The following ROCK2 variants were observed in gnomAD, a reference collection of about 807,000 sequenced individuals.
The protein encoded by ROCK2 is rho-associated protein kinase 2.
In ROCK2, 61 loss-of-function variants were observed where a neutral mutation model predicts 195.1. The ratio of observed to expected loss-of-function variants is 0.31; its 90% CI spans 0.25 to 0.39. ROCK2 has a LOEUF of 0.39. Among genes scored for constraint, ROCK2 ranks in the 10% least tolerant of loss-of-function variants. ROCK2 has a pLI of 1.00. For missense variants in ROCK2, 1,109 were observed against 1,637.4 expected (o/e 0.68, Z 5.57); for synonymous variants, 504 against 545.5 (o/e 0.92, Z 1.06).
At chr2:11,309,382 A>C (rs1667962693) in intron 1 of ROCK2, among the ~76,000 whole-genome samples, 1 of 152,152 alleles carries the variant, frequency 6.6e-6, no homozygotes, top group South Asian at 2.1e-4. Context: ...TCGAGGAATG[A>C]CTGTATATGT....
At chr2:11,334,628 T>TTAC (rs1362193812) in intron 1 of ROCK2, among the ~76,000 whole-genome samples, 11 of 139,500 alleles carry the variant, frequency 7.9e-5, no homozygotes, top group Admixed American at 1.4e-4. Context: ...AAAAATAAAC[T>TTAC]CAAAAGCCAA....
At position 11,202,632 on chromosome 2, in the gene ROCK2, G is replaced by A. The variant is rs1663902519; in HGVS notation, c.2550-511C>T. ...CCTGCCTCAGCCTCCCGAGTAGCTGGGACTACAGGCGCCTGCCACCACACC... is the reference window on the plus strand; with the variant it reads ...CCTGCCTCAGCCTCCCGAGTAGCTGAGACTACAGGCGCCTGCCACCACACC... On this transcript the variant is annotated intron_variant, in intron 20 of 32. Coordinates refer to ENST00000315872, the MANE Select transcript of ROCK2 (RefSeq NM_004850.5). Among the ~76,000 whole-genome samples, 8 of 152,080 alleles carry A rather than the reference G, an allele frequency of 5.3e-5. No homozygotes were observed. The South Asian group carries it at 1.7e-3, about 32-fold the overall frequency.
At chr2:11,286,438 G>T in intron 3 of ROCK2, 101 bp downstream of exon 3, 1 of 720,468 alleles carries the variant, frequency 1.4e-6, no homozygotes, top group Non-Finnish European at 2.4e-6. Context: ...CCACCTTCTG[G>T]CATGGGTGGG....
intron 9 of ROCK2, among the ~76,000 whole-genome samples, chr2:11,220,152 G>A (rs182509947): frequency 1.3e-5 from 2 of 152,250 alleles, no homozygotes; most frequent in Admixed American, 1.3e-4. Context: ...AGAGTAGCTG[G>A]GATTACAGGC....
intron 18 of ROCK2, among the ~76,000 whole-genome samples, chr2:11,208,880 A>T (rs1572245280): frequency 6.6e-6 from 1 of 152,342 alleles, no homozygotes; most frequent in South Asian, 2.1e-4. Context: ...GGCATGAGCC[A>T]CTGCACCTGG....
In ROCK2 at chr2:11,344,326, A is replaced by T. The variant is rs541317017; in HGVS notation, c.-190T>A. The T allele has an allele frequency of 5.1e-6, 6 of 1,166,872 alleles. No homozygotes were observed. The highest frequency in any genetic ancestry group is 1.7e-5 in the African/African-American group (1 of 58,826). The allele number at this position is 1,166,872 out of a possible 1,614,324, so 72.3% of individuals were successfully genotyped here. On this transcript the variant is annotated 5_prime_UTR_variant, in exon 1 of 33. Coordinates refer to ENST00000315872, the MANE Select transcript of ROCK2 (RefSeq NM_004850.5). This position sits in a 1 kb window ranked among gnomAD's most constrained non-coding sequence, Gnocchi z 5.4. ...CTGCTCCCAGGGGCCCGCCCGGCCC[A>T]GCCCGGCCCAGCCCGGCCCGGCCCT...
intron 1 of ROCK2, among the ~76,000 whole-genome samples, chr2:11,339,433 T>A (rs1205893814): frequency 6.6e-6 from 1 of 151,910 alleles, no homozygotes; most frequent in East Asian, 1.9e-4. Context: ...ATAGTATATC[T>A]TAAAATCCAG....
intron 3 of ROCK2, among the ~76,000 whole-genome samples, chr2:11,267,979 T>C (rs1337323842): frequency 1.3e-5 from 2 of 151,816 alleles, no homozygotes; most frequent in Non-Finnish European, 2.9e-5. Flanking sequence ...GCAACAGGTT[T>C]CTGGTTCCAC....
intron 30 of ROCK2, among the ~76,000 whole-genome samples, chr2:11,193,257 T>G (rs1318324123): frequency 6.6e-6 from 1 of 152,114 alleles, no homozygotes; most frequent in African/African-American, 2.4e-5. Context: ...AGGAGCCAAC[T>G]TCCACACAGT....
rs549330812 is a variant in ROCK2 at position 11,187,230 on chromosome 2, C to T, written c.4164-3790G>A. Among the ~76,000 whole-genome samples the T allele has an allele frequency of 2.2e-4, 33 of 152,282 alleles. No individual in the cohort carries two copies. The South Asian group carries it at 6.0e-3, about 28-fold the overall frequency. On this transcript the variant is annotated intron_variant, in intron 32 of 32. Transcript: ENST00000315872. ...TGGTTTCAAGTTACCAGTGGTGAACCACAGTCTGAAAACATTAAATAGAAA... is the reference window on the plus strand; with the variant it reads ...TGGTTTCAAGTTACCAGTGGTGAACTACAGTCTGAAAACATTAAATAGAAA...
chr2:11,255,373 A>T (rs1330952175), intron 3 of ROCK2, among the ~76,000 whole-genome samples: 1 of 150,986 alleles, frequency 6.6e-6, no homozygotes, highest in East Asian at 1.9e-4. Context: ...AAAAATAACA[A>T]AACCCCAGAG....
At chr2:11,189,094 CAAAG>C (rs1558274361) in intron 32 of ROCK2, among the ~76,000 whole-genome samples, 1 of 151,724 alleles carries the variant, frequency 6.6e-6, no homozygotes, top group Non-Finnish European at 1.5e-5. Flanking sequence ...CAGATGACCA[CAAAG>C]AAAGACACAG....
intron 1 of ROCK2, among the ~76,000 whole-genome samples, chr2:11,319,101 C>G (rs1259787929): frequency 3.9e-5 from 6 of 152,008 alleles, no homozygotes; most frequent in Admixed American, 6.6e-5. Context: ...TTTTTTGGTT[C>G]CATATGAACT....
intron 1 of ROCK2, among the ~76,000 whole-genome samples, chr2:11,333,986 T>C (rs1178647618): frequency 6.6e-6 from 1 of 152,196 alleles, no homozygotes; most frequent in Non-Finnish European, 1.5e-5. Flanking sequence ...GACAAACTGT[T>C]TCACAACAAT....
intron 8 of ROCK2, among the ~76,000 whole-genome samples, 187 bp downstream of exon 8, chr2:11,221,896 T>C (rs949799795): frequency 6.6e-6 from 1 of 152,196 alleles, no homozygotes; most frequent in African/African-American, 2.4e-5. Context: ...ATATTGCTAA[T>C]AGTTTGCAAA....
intron 1 of ROCK2, chr2:11,307,913 C>A: frequency 7.6e-7 from 1 of 1,320,508 alleles, no homozygotes; most frequent in African/African-American, 1.5e-5. Flanking sequence ...CGGTGGTGGC[C>A]GTAGCGGTCC....
chr2:11,249,841 T>G (rs765919998), intron 3 of ROCK2, 43 bp from the exon 4 acceptor site: 1 of 1,401,520 alleles, frequency 7.1e-7, no homozygotes. Context: ...TTTCATGTTA[T>G]GAGAGAAAGG....
At chr2:11,227,471 T>C in intron 5 of ROCK2, 73 bp from the exon 6 acceptor site, 1 of 1,374,598 alleles carries the variant, frequency 7.3e-7, no homozygotes, top group Non-Finnish European at 1.0e-6. Flanking sequence ...AATGAATCCA[T>C]TTATTACTAG....
chr2:11,188,006 C>T (rs1663259767), intron 32 of ROCK2, among the ~76,000 whole-genome samples: 1 of 150,974 alleles, frequency 6.6e-6, no homozygotes, highest in Admixed American at 6.6e-5. Flanking sequence ...TACATTTTTG[C>T]TTTATACTTT....
Sources: allele counts gnomAD v4.1 joint callset (sites outside exome capture counted in the v4.1 genomes callset), GRCh38; gene constraint gnomAD v4.1.1; non-coding constraint Gnocchi (gnomAD v3.1); transcripts MANE v1.5; gene names NCBI Gene and HGNC (gene_info 2026-07-23, HGNC 2026-07-21).